The following XYLT1 variants were observed in gnomAD, a reference collection of about 807,000 sequenced individuals.
XYLT1 encodes xylosyltransferase 1, also known as beta-D-xylosyltransferase 1.
In XYLT1, 36 loss-of-function variants were observed where a neutral mutation model predicts 91.3. The observed-to-expected ratio is 0.39, with a 90% CI of 0.30 to 0.52. The LOEUF (loss-of-function observed/expected upper bound fraction) is 0.52, where lower values mean the gene tolerates loss of function less well. Ranked by LOEUF, XYLT1 falls within the 20% of genes least tolerant of loss-of-function variation. The probability of loss-of-function intolerance (pLI) is 0.68; values close to 1 mark genes in which losing one functional copy is unlikely to be tolerated. For missense variants in XYLT1, 1,242 were observed against 1,284.5 expected (o/e 0.97, Z 0.51); for synonymous variants, 588 against 532.0 (o/e 1.11, Z -1.45).
At chr16:17,133,252 G>C (rs776798329) in intron 9 of XYLT1, among the ~76,000 whole-genome samples, 3 of 151,952 alleles carry the variant, frequency 2.0e-5, no homozygotes, top group Non-Finnish European at 4.4e-5. Flanking sequence ...TTTTCAGAGA[G>C]TTAGTGAACA....
intron 1 of XYLT1, among the ~76,000 whole-genome samples, chr16:17,453,350 G>C (rs978101555): frequency 6.6e-6 from 1 of 152,178 alleles, no homozygotes; most frequent in Non-Finnish European, 1.5e-5. Context: ...AGAACGGACA[G>C]GACTCTTTGA....
At chr16:17,357,901 G>C in intron 2 of XYLT1, 111 bp downstream of exon 2, 1 of 1,170,158 alleles carries the variant, frequency 8.5e-7, no homozygotes, top group South Asian at 1.4e-5. Context: ...ATCCAAATGG[G>C]ACCAGGGGCA....
chr16:17,145,510 TG>T (rs1202303357), intron 6 of XYLT1, among the ~76,000 whole-genome samples: 2 of 152,210 alleles, frequency 1.3e-5, no homozygotes, highest in Non-Finnish European at 2.9e-5. Context: ...CTAGGGCTGC[TG>T]GTAGCCATCT....
At chr16:17,167,696 C>T (rs369016377) in intron 5 of XYLT1, among the ~76,000 whole-genome samples, 323 of 97,182 alleles carry the variant, frequency 3.3e-3, no homozygotes, top group Middle Eastern at 0.01. Flanking sequence ...ATCTCGTGAA[C>T]GGATTCTAAC....
intron 1 of XYLT1, among the ~76,000 whole-genome samples, chr16:17,401,743 CA>C: frequency 6.6e-6 from 1 of 151,216 alleles, no homozygotes; most frequent in East Asian, 1.9e-4. Context: ...TATCAACTTC[CA>C]CAACATTTAG....
At chr16:17,132,215 T>TG (rs1013913370) in intron 9 of XYLT1, among the ~76,000 whole-genome samples, 9 of 151,954 alleles carry the variant, frequency 5.9e-5, no homozygotes, top group South Asian at 2.1e-4. Flanking sequence ...AGACTAGCAG[T>TG]GGGGGGGAGA....
At chr16:17,132,909 A>ATAAC (rs2030549221) in intron 9 of XYLT1, among the ~76,000 whole-genome samples, 1 of 152,206 alleles carries the variant, frequency 6.6e-6, no homozygotes, top group South Asian at 2.1e-4. Flanking sequence ...AGAGCACTGT[A>ATAAC]TAACTAACTC....
intron 2 of XYLT1, among the ~76,000 whole-genome samples, chr16:17,314,705 G>T (rs2034600026): frequency 6.6e-6 from 1 of 152,176 alleles, no homozygotes; most frequent in African/African-American, 2.4e-5. Flanking sequence ...TAATCAAAGT[G>T]ATAGAGGAGA....
chr16:17,202,236 A>G (rs1242649714), intron 3 of XYLT1, among the ~76,000 whole-genome samples: 1 of 152,220 alleles, frequency 6.6e-6, no homozygotes, highest in Non-Finnish European at 1.5e-5. Flanking sequence ...CAAGTGTCCC[A>G]GCATCTAAAC....
chr16:17,186,889 G>A (rs2032195147), intron 5 of XYLT1, among the ~76,000 whole-genome samples: 1 of 152,080 alleles, frequency 6.6e-6, no homozygotes, highest in Admixed American at 6.6e-5. Context: ...ACCTGGGTGG[G>A]GATGAAGGGC....
rs1408273507 is a variant in XYLT1, at chr16:17,384,364, G to A, written c.364-26314C>T. 2.0e-5 allele frequency among the ~76,000 whole-genome samples: 3 copies of A among 151,754 alleles called. No homozygotes were observed. The East Asian group carries it at 5.9e-4, about 30-fold the overall frequency. ...GCCCATTCTGTCTCTCGGCTGGCCA[G>A]ACCCGGTTTTCAGGGGCCCTCAGAA... On this transcript the variant is annotated intron_variant, in intron 1 of 11. Transcript: ENST00000261381.
intron 1 of XYLT1, among the ~76,000 whole-genome samples, chr16:17,418,540 C>CA (rs2141919042): frequency 6.8e-6 from 1 of 148,108 alleles, no homozygotes; most frequent in African/African-American, 2.5e-5. Context: ...GAAAAAAGTT[C>CA]AGAGTTAAAA....
At chr16:17,331,385 G>C (rs1215961015) in intron 2 of XYLT1, among the ~76,000 whole-genome samples, 1 of 152,236 alleles carries the variant, frequency 6.6e-6, no homozygotes, top group Non-Finnish European at 1.5e-5. Flanking sequence ...CCCTGAAAGA[G>C]AATGAGCCAA....
chr16:17,465,006 T>TC (rs1293897478), intron 1 of XYLT1, among the ~76,000 whole-genome samples: 2 of 151,108 alleles, frequency 1.3e-5, no homozygotes, highest in Non-Finnish European at 2.9e-5. Flanking sequence ...TAGCCAGGCG[T>TC]GGTGGTGCAC....
intron 2 of XYLT1, among the ~76,000 whole-genome samples, chr16:17,306,822 A>C (rs1300766563): frequency 6.6e-6 from 1 of 152,102 alleles, no homozygotes; most frequent in Admixed American, 6.5e-5. Flanking sequence ...ATGTCCTTAC[A>C]TTCATGAAGT....
rs974738002 is a variant in XYLT1, at chr16:17,159,028, A to C, written c.1290-119T>G. 4 of 826,062 alleles carry C rather than the reference A, an allele frequency of 4.8e-6. No homozygotes were observed. In the African/African-American group the frequency reaches 5.0e-5, roughly 10 times the overall value. 51.2% of individuals were successfully genotyped at this position (826,062 alleles called of 1,614,324 possible). ...TGAAGCACCTTCTCTGATCATTTGC[A>C]CACAGGCTGATAAGGCATCCTCTTT... On this transcript the variant is annotated intron_variant, in intron 5 of 11. Coordinates refer to ENST00000261381, the MANE Select transcript of XYLT1 (RefSeq NM_022166.4).
At chr16:17,146,896 G>A (rs1002097611) in intron 6 of XYLT1, among the ~76,000 whole-genome samples, 1 of 152,176 alleles carries the variant, frequency 6.6e-6, no homozygotes, top group Non-Finnish European at 1.5e-5. Flanking sequence ...CTATGTCACG[G>A]GTCTTGCTCT....
chr16:17,450,365 A>ACAAACAAAC (rs1555458016), intron 1 of XYLT1, among the ~76,000 whole-genome samples: 1 of 145,308 alleles, frequency 6.9e-6, no homozygotes, highest in South Asian at 2.1e-4. Flanking sequence ...AAACAAACAA[A>ACAAACAAAC]AAAAAAAAGG....
intron 2 of XYLT1, among the ~76,000 whole-genome samples, chr16:17,343,670 T>C (rs2035098725): frequency 6.6e-6 from 1 of 152,086 alleles, no homozygotes; most frequent in Non-Finnish European, 1.5e-5. Flanking sequence ...GGTCTTGTTA[T>C]ATTGTTCGGG....
Sources: allele counts gnomAD v4.1 joint callset (sites outside exome capture counted in the v4.1 genomes callset), GRCh38; gene constraint gnomAD v4.1.1; transcripts MANE v1.5; gene names NCBI Gene and HGNC (gene_info 2026-07-23, HGNC 2026-07-21).